Variants in PAWR observed in about 807,000 individuals in gnomAD.
The protein encoded by PAWR is pro-apoptotic WT1 regulator, also known as PRKC apoptosis WT1 regulator protein.
Under a neutral mutation model 32.0 loss-of-function variants are expected in PAWR, and 23 were observed. The observed-to-expected ratio is 0.72, with a 90% CI of 0.52 to 1.02. The LOEUF (loss-of-function observed/expected upper bound fraction) is 1.02. Among genes scored for constraint, PAWR ranks in the 50% least tolerant of loss-of-function variants. PAWR has a pLI of 0.00. For synonymous variants in PAWR, 226 were observed against 187.1 expected, an observed-to-expected ratio of 1.21 and a Z score of -1.70; for missense variants, 457 against 437.7, an observed-to-expected ratio of 1.04 and a Z score of -0.39.
rs11319978 is a variant in PAWR at position 79,647,173 on chromosome 12, C to CA, written c.517-25967dup. 7.1e-3 allele frequency among the ~76,000 whole-genome samples: 583 copies of CA among 82,156 alleles called. 2 individuals are homozygous for CA. The highest frequency in any genetic ancestry group is 9.7e-3 in the South Asian group (23 of 2,376). 53.9% of individuals were successfully genotyped at this position (82,156 alleles called of 152,430 possible). On this transcript the variant is annotated intron_variant, in intron 2 of 6. Transcript: ENST00000328827. The stretch of plus-strand genomic sequence containing the variant: ...CTGGTGACAGAGCAAGACTCCATTT[C>CA]AAAAAAAAAAAAAAAAAGAAAAGGA...
At chr12:79,679,806 G>A (rs931242653) in intron 2 of PAWR, among the ~76,000 whole-genome samples, 1 of 152,118 alleles carries the variant, frequency 6.6e-6, no homozygotes, top group Non-Finnish European at 1.5e-5. Context: ...CACTTTTCCA[G>A]CTCAAAACAT....
Position 79,594,404 on chromosome 12 carries a change from T to TA in PAWR, c.860dup (p.Arg288LysfsTer9). On this transcript the variant is annotated frameshift_variant, in exon 6 of 7. Transcript: ENST00000328827. LOFTEE classifies it high-confidence loss of function. ...TATCTTGCATCAGTCTCACAAGTCT[T>TA]AGGTTTTCTTGTCTTTCTCTTACTA... 6.4e-7 allele frequency: 1 copy of TA among 1,559,216 alleles called. No homozygotes were observed. Among genetic ancestry groups the TA allele is most frequent in the Non-Finnish European group, 8.8e-7 (1 of 1,140,146 alleles).
At position 79,690,391 on chromosome 12, in the gene PAWR, G is replaced by C; in HGVS notation, c.-147C>G. 1 of 1,342,384 alleles carries C rather than the reference G, an allele frequency of 7.4e-7. No homozygotes were observed. The highest frequency in any genetic ancestry group is 9.5e-7 in the Non-Finnish European group (1 of 1,050,618). The allele number at this position is 1,342,384 out of a possible 1,614,324, so 83.2% of individuals were successfully genotyped here. Reference sequence around the variant, plus strand: ...CGCCGCTCCCACAGCAGCCGGCGGGGCTGAGGTGAAAGACAAAAGGGGGCG... The same window carrying C: ...CGCCGCTCCCACAGCAGCCGGCGGGCCTGAGGTGAAAGACAAAAGGGGGCG... On this transcript the variant is annotated splice_region_variant and 5_prime_UTR_variant, in exon 2 of 7. Transcript: ENST00000328827.
chr12:79,654,778 G>C (rs908867260), intron 2 of PAWR, among the ~76,000 whole-genome samples: 1 of 152,080 alleles, frequency 6.6e-6, no homozygotes, highest in African/African-American at 2.4e-5. Context: ...ATCAGATCTC[G>C]TGAGAATTCA....
intron 2 of PAWR, among the ~76,000 whole-genome samples, chr12:79,646,224 T>C (rs965633885): frequency 6.6e-6 from 1 of 152,110 alleles, no homozygotes; most frequent in Non-Finnish European, 1.5e-5. Flanking sequence ...TGCAGGAAGT[T>C]AGTGAATCTT....
At chr12:79,601,820 G>T (rs1267562720) in intron 4 of PAWR, among the ~76,000 whole-genome samples, 1 of 152,136 alleles carries the variant, frequency 6.6e-6, no homozygotes. Context: ...TTGAATATTT[G>T]ATTTTTAATG....
At chr12:79,669,969 G>C (rs746388115) in intron 2 of PAWR, among the ~76,000 whole-genome samples, 8 of 151,986 alleles carry the variant, frequency 5.3e-5, no homozygotes, top group Non-Finnish European at 1.2e-4. Context: ...CCAAAGTACT[G>C]GAATTACAGA....
rs1566010897 is a variant in PAWR, at chr12:79,632,318, T to TATATAC, written c.517-11112_517-11111insGTATAT. Among the ~76,000 whole-genome samples, 133 of 24,492 alleles carry TATATAC rather than the reference T, an allele frequency of 5.4e-3. 4 individuals are homozygous for TATATAC. The highest frequency in any genetic ancestry group is 0.014 in the African/African-American group (18 of 1,312). 16.1% of individuals were successfully genotyped at this position (24,492 alleles called of 152,430 possible). ...ATACATATATATATACATACATATA[T>TATATAC]ATATATATATATATATATATATATA... On this transcript the variant is annotated intron_variant, in intron 2 of 6. Coordinates refer to ENST00000328827, the MANE Select transcript of PAWR (RefSeq NM_002583.4).
chr12:79,685,113 T>C (rs1015142882), intron 2 of PAWR, among the ~76,000 whole-genome samples: 2 of 152,204 alleles, frequency 1.3e-5, no homozygotes, highest in Admixed American at 1.3e-4. Flanking sequence ...TTATGAGAAA[T>C]GACATCCCAG....
chr12:79,646,913 G>C (rs1309516537), intron 2 of PAWR, among the ~76,000 whole-genome samples: 1 of 152,050 alleles, frequency 6.6e-6, no homozygotes, highest in Non-Finnish European at 1.5e-5. Flanking sequence ...CACGGTGGCT[G>C]ACACCTGTAA....
Position 79,585,234 on chromosome 12 carries a change from T to C in PAWR, c.*7373A>G, listed in dbSNP as rs1446690135. On this transcript the variant is annotated 3_prime_UTR_variant, in exon 7 of 7. Transcript: ENST00000328827. The stretch of plus-strand genomic sequence containing the variant: ...CAAAAAGAAAGACCAAGATCTTTGC[T>C]TAAAAATAGAAATGCATACTGCAGT... 1 of 428,080 alleles carries C rather than the reference T, an allele frequency of 2.3e-6. No homozygotes were observed. Among genetic ancestry groups the C allele is most frequent in the East Asian group, 7.2e-5 (1 of 13,904 alleles). 26.5% of individuals were successfully genotyped at this position (428,080 alleles called of 1,614,324 possible). A position where few individuals can be genotyped will look rare whatever the true frequency, so the allele number is the denominator to read the frequency against.
chr12:79,592,709 A>AT lies in PAWR; in HGVS notation c.937-17_937-16insA. ...CATCTAGGTCCTTAAGAAAAAAAAA[A>AT]GACACTTTAAAAATACTTAAAAATA... On this transcript the variant is annotated splice_polypyrimidine_tract_variant and intron_variant, in intron 6 of 6. Transcript: ENST00000328827. The AT allele has an allele frequency of 1.4e-6, 1 of 724,456 alleles. No individual in the cohort carries two copies. Among genetic ancestry groups the AT allele is most frequent in the Non-Finnish European group, 2.5e-6 (1 of 404,298 alleles). The allele number at this position is 724,456 out of a possible 1,614,324, so 44.9% of individuals were successfully genotyped here.
Position 79,589,265 on chromosome 12 carries a change from T to C in PAWR, c.*3342A>G, listed in dbSNP as rs1873477182. The C allele has an allele frequency of 6.6e-6, 1 of 152,064 alleles. No homozygotes were observed. Among genetic ancestry groups the C allele is most frequent in the Admixed American group, 6.6e-5 (1 of 15,264 alleles). The allele number at this position is 152,064 out of a possible 1,614,324, so 9.4% of individuals were successfully genotyped here. A position where few individuals can be genotyped will look rare whatever the true frequency, so the allele number is the denominator to read the frequency against. The stretch of plus-strand genomic sequence containing the variant: ...TATCAAATCCAAGGTCTCTGCTGTT[T>C]TGTCTTACAGTGTTGAATATATGAA... On this transcript the variant is annotated 3_prime_UTR_variant, in exon 7 of 7. Transcript: ENST00000328827.
chr12:79,675,437 A>C (rs571854725), intron 2 of PAWR, among the ~76,000 whole-genome samples: 1 of 152,274 alleles, frequency 6.6e-6, no homozygotes, highest in African/African-American at 2.4e-5. Flanking sequence ...AAGCATGCAT[A>C]TATTCATCGC....
rs1370645544 is a variant in PAWR at position 79,588,471 on chromosome 12, CA to C, written c.*4135del. The stretch of plus-strand genomic sequence containing the variant: ...GTATGCATCAGTTTTTTCACTCCAC[CA>C]TTCAGTAAATGTTGTAGCAAATTAA... On this transcript the variant is annotated 3_prime_UTR_variant, in exon 7 of 7. Transcript: ENST00000328827. 6.6e-6 allele frequency: 1 copy of C among 151,774 alleles called. No homozygotes were observed. The highest frequency in any genetic ancestry group is 2.4e-5 in the African/African-American group (1 of 41,356). The allele number at this position is 151,774 out of a possible 1,614,324, so 9.4% of individuals were successfully genotyped here.
intron 6 of PAWR, 24 bp downstream of exon 6, chr12:79,594,305 C>A (rs747533223): frequency 9.5e-7 from 1 of 1,049,838 alleles, no homozygotes; most frequent in Non-Finnish European, 1.4e-6. Flanking sequence ...CCCCTCCAAA[C>A]CTGAAATATG....
At chr12:79,664,076 T>C (rs1877478895) in intron 2 of PAWR, among the ~76,000 whole-genome samples, 1 of 152,120 alleles carries the variant, frequency 6.6e-6, no homozygotes, top group Non-Finnish European at 1.5e-5. Context: ...AAACAGAAAT[T>C]TGCCCATTAA....
chr12:79,597,644 T>C (rs1161212853), intron 4 of PAWR, among the ~76,000 whole-genome samples: 1 of 152,204 alleles, frequency 6.6e-6, no homozygotes, highest in African/African-American at 2.4e-5. Context: ...GATAATTTTG[T>C]TATGCCATAA....
At chr12:79,617,453 T>C (rs1423023773) in intron 3 of PAWR, among the ~76,000 whole-genome samples, 2 of 152,170 alleles carry the variant, frequency 1.3e-5, no homozygotes, top group South Asian at 2.1e-4. Context: ...AGTCTTCTTA[T>C]GCATGTTAAA....
Sources: gnomAD v4.1 joint callset for allele counts (sites outside exome capture counted in the v4.1 genomes callset) on GRCh38, gnomAD v4.1.1 for gene constraint, MANE v1.5 for transcripts, NCBI Gene and HGNC (gene_info 2026-07-23, HGNC 2026-07-21) for gene names.